IQSEC1: variants seen among roughly 807,000 people sequenced by gnomAD.
IQSEC1 encodes IQ motif and Sec7 domain ArfGEF 1, also known as IQ motif and SEC7 domain-containing protein 1.
Under a neutral mutation model 91.0 loss-of-function variants are expected in IQSEC1, and 31 were observed. The ratio of observed to expected loss-of-function variants is 0.34; its 90% CI spans 0.26 to 0.46. The LOEUF (loss-of-function observed/expected upper bound fraction) is 0.46, where lower values mean the gene tolerates loss of function less well. IQSEC1 is among the 20% of genes least tolerant of loss of function. The probability of loss-of-function intolerance (pLI) is 1.00; values close to 1 mark genes in which losing one functional copy is unlikely to be tolerated. For missense variants in IQSEC1, 1,388 were observed against 1,575.6 expected, an observed-to-expected ratio of 0.88 and a Z score of 2.02; for synonymous variants, 699 against 662.6, an observed-to-expected ratio of 1.05 and a Z score of -0.84.
At chr3:12,975,942 CT>C (rs1701145454) in intron 1 of IQSEC1, among the ~76,000 whole-genome samples, 1 of 152,246 alleles carries the variant, frequency 6.6e-6, no homozygotes, top group South Asian at 2.1e-4. Flanking sequence ...ACCTTGGCAT[CT>C]GCCCCCCAAC....
intron 1 of IQSEC1, among the ~76,000 whole-genome samples, chr3:13,165,524 GGT>G (rs1693470824): frequency 8.9e-6 from 1 of 112,900 alleles, no homozygotes; most frequent in Non-Finnish European, 1.8e-5. Context: ...GGGGGTGGGG[GGT>G]GGGGGGGTGG....
At chr3:13,279,131 C>T (rs1695745005) in intron 1 of IQSEC1, among the ~76,000 whole-genome samples, 1 of 152,186 alleles carries the variant, frequency 6.6e-6, no homozygotes, top group Non-Finnish European at 1.5e-5. Context: ...TTTTCAATCC[C>T]AGCTGGGCCT....
At position 12,903,153 on chromosome 3, in the gene IQSEC1, T is replaced by C. The variant is rs992080020; in HGVS notation, c.2756-331A>G. 4.6e-4 allele frequency among the ~76,000 whole-genome samples: 70 copies of C among 152,360 alleles called. 1 individual carries two copies. Among genetic ancestry groups the C allele is most frequent in the Middle Eastern group, 3.4e-3 (1 of 294 alleles). On this transcript the variant is annotated intron_variant, in intron 12 of 13. Transcript: ENST00000613206. ...GCTGAGGCATGTGTACAGGTGGGCC[T>C]GACGCCCCCAACTTGTGTGTTCACC...
At chr3:13,271,385 TAAAAA>T (rs1225016463) in intron 1 of IQSEC1, among the ~76,000 whole-genome samples, 2 of 151,392 alleles carry the variant, frequency 1.3e-5, no homozygotes, top group Non-Finnish European at 2.9e-5. Context: ...TCAAAAAAAA[TAAAAA>T]AGAAAAAGAA....
intron 5 of IQSEC1, among the ~76,000 whole-genome samples, chr3:12,920,905 T>G (rs1696570064): frequency 6.6e-6 from 1 of 152,118 alleles, no homozygotes; most frequent in Non-Finnish European, 1.5e-5. Flanking sequence ...GTGATGTGAG[T>G]GCCTGTAAGG....
Position 12,899,385 on chromosome 3 carries a change from A to T in IQSEC1, c.*1598T>A. ...CGCCGGGGGGCAGTCCTCGGGTCCCATGGCTTAGGAGCACAGCACTGACGG... is the reference window on the plus strand; with the variant it reads ...CGCCGGGGGGCAGTCCTCGGGTCCCTTGGCTTAGGAGCACAGCACTGACGG... On this transcript the variant is annotated 3_prime_UTR_variant, in exon 14 of 14. Coordinates refer to ENST00000613206, the MANE Select transcript of IQSEC1 (RefSeq NM_001134382.3). 1 of 1,612,996 alleles carries T rather than the reference A, an allele frequency of 6.2e-7. No individual in the cohort carries two copies. Among genetic ancestry groups the T allele is most frequent in the Non-Finnish European group, 8.5e-7 (1 of 1,179,784 alleles).
chr3:13,114,663 G>A (rs1046936363), intron 2 of IQSEC1, among the ~76,000 whole-genome samples: 3 of 151,762 alleles, frequency 2.0e-5, no homozygotes, highest in Admixed American at 2.0e-4. Context: ...CATGGTGGTG[G>A]GTGCCCGTAA....
At chr3:13,019,576 T>C (rs1050477298) in intron 1 of IQSEC1, among the ~76,000 whole-genome samples, 2 of 152,206 alleles carry the variant, frequency 1.3e-5, no homozygotes, top group African/African-American at 4.8e-5. Context: ...GCTGGCTGGT[T>C]GGGGCGTGGC....
At position 13,067,251 on chromosome 3, in the gene IQSEC1, A is replaced by C. The variant is rs368339609; in HGVS notation, c.23+5741T>G. On this transcript the variant is annotated intron_variant, in intron 1 of 13. Coordinates refer to ENST00000613206, the MANE Select transcript of IQSEC1 (RefSeq NM_001134382.3). ...GAACAGGAGCCATCCAACAGGCTGG[A>C]AAGAGCGGGAAGGGCAGACGGGGGC... Among the ~76,000 whole-genome samples the C allele has an allele frequency of 3.6e-4, 55 of 152,310 alleles. 2 individuals carry two copies. In the South Asian group the frequency reaches 7.9e-3, roughly 22 times the overall value.
intron 3 of IQSEC1, among the ~76,000 whole-genome samples, chr3:12,929,467 T>G (rs879645573): frequency 6.6e-6 from 1 of 152,146 alleles, no homozygotes; most frequent in Non-Finnish European, 1.5e-5. Context: ...GAACAGCCAA[T>G]GCAAAAGCCT....
intron 1 of IQSEC1, among the ~76,000 whole-genome samples, chr3:13,197,812 T>C (rs560947400): frequency 5.3e-4 from 80 of 152,284 alleles, no homozygotes; most frequent in Admixed American, 9.8e-4. Flanking sequence ...AAGGCCGAAT[T>C]AGGCTTTAGT....
intron 1 of IQSEC1, among the ~76,000 whole-genome samples, chr3:13,021,304 G>A (rs1703387310): frequency 1.3e-5 from 2 of 152,152 alleles, no homozygotes. Context: ...GGGGGCCAAG[G>A]AGCTCTGCTC....
At chr3:12,904,573 C>T (rs1471690465) in intron 12 of IQSEC1, among the ~76,000 whole-genome samples, 1 of 152,192 alleles carries the variant, frequency 6.6e-6, no homozygotes, top group Non-Finnish European at 1.5e-5. Flanking sequence ...GTCCAGCCTC[C>T]CAGGACATGG....
chr3:13,085,097 T>G (rs1460923373), intron 2 of IQSEC1, among the ~76,000 whole-genome samples: 1 of 152,054 alleles, frequency 6.6e-6, no homozygotes, highest in Admixed American at 6.5e-5. Context: ...GTGCTAGCAT[T>G]TATCGAACTC....
chr3:13,264,150 C>A (rs151244840), intron 1 of IQSEC1, among the ~76,000 whole-genome samples: 2,742 of 152,344 alleles, frequency 0.018, 80 homozygotes, highest in African/African-American at 0.063. Flanking sequence ...GGAAAGTCCC[C>A]TTCCCTGGAG....
Position 12,928,236 on chromosome 3 carries a change from G to A in IQSEC1, c.1569-3494C>T, listed in dbSNP as rs1261551048. The stretch of plus-strand genomic sequence containing the variant: ...CTGATGGATCTGGGTGGGGGTGGCC[G>A]AGGTGGGGGCGGTGGAGGTAGGAGC... On this transcript the variant is annotated intron_variant, in intron 3 of 13. Coordinates refer to ENST00000613206, the MANE Select transcript of IQSEC1 (RefSeq NM_001134382.3). 2.6e-5 allele frequency among the ~76,000 whole-genome samples: 4 copies of A among 152,204 alleles called. No homozygotes were observed. The East Asian group carries it at 5.8e-4, about 22-fold the overall frequency.
chr3:13,263,380 A>T (rs963844592), intron 1 of IQSEC1, among the ~76,000 whole-genome samples: 1 of 138,956 alleles, frequency 7.2e-6, no homozygotes, highest in Non-Finnish European at 1.6e-5. Flanking sequence ...AAGATAAAAT[A>T]CACAACCCTC....
At position 12,898,442 on chromosome 3, in the gene IQSEC1, G is replaced by A. The variant is rs1693864200; in HGVS notation, c.*2541C>T. ...TGGGTTCCAGCAGTTCCTTACGCGAGGCCCTGCTGCCCAGCACAGCTCCAG... is the reference window on the plus strand; with the variant it reads ...TGGGTTCCAGCAGTTCCTTACGCGAAGCCCTGCTGCCCAGCACAGCTCCAG... On this transcript the variant is annotated 3_prime_UTR_variant, in exon 14 of 14. Transcript: ENST00000613206. The A allele has an allele frequency of 6.6e-6, 1 of 152,262 alleles. No individual in the cohort carries two copies. Among genetic ancestry groups the A allele is most frequent in the South Asian group, 2.1e-4 (1 of 4,834 alleles). The allele number at this position is 152,262 out of a possible 1,614,324, so 9.4% of individuals were successfully genotyped here.
intron 1 of IQSEC1, among the ~76,000 whole-genome samples, chr3:12,966,964 G>A (rs953279113): frequency 6.6e-6 from 1 of 152,000 alleles, no homozygotes; most frequent in Non-Finnish European, 1.5e-5. Context: ...GCACAGACCC[G>A]CTGGGCACCC....
Sources: gnomAD v4.1 joint callset for allele counts (sites outside exome capture counted in the v4.1 genomes callset) on GRCh38, gnomAD v4.1.1 for gene constraint, MANE v1.5 for transcripts, NCBI Gene and HGNC (gene_info 2026-07-23, HGNC 2026-07-21) for gene names.